ZMYM1: variants seen among roughly 807,000 people sequenced by gnomAD.
The protein encoded by ZMYM1 is zinc finger MYM-type protein 1.
A neutral mutation model predicts 60.0 loss-of-function variants in ZMYM1; 39 were observed. The observed-to-expected ratio is 0.65, with a 90% CI of 0.50 to 0.85. ZMYM1 has a LOEUF of 0.85. ZMYM1 is among the 40% of genes least tolerant of loss of function. The probability of loss-of-function intolerance (pLI) is 0.00; values close to 1 mark genes in which losing one functional copy is unlikely to be tolerated. For missense variants in ZMYM1, 1,171 were observed against 1,309.5 expected (o/e 0.89, Z 1.63); for synonymous variants, 413 against 454.0 (o/e 0.91, Z 1.15).
chr1:35,074,600 G>T (rs898543499), upstream of ZMYM1, among the ~76,000 whole-genome samples: 1 of 151,874 alleles, frequency 6.6e-6, no homozygotes, highest in Non-Finnish European at 1.5e-5. Context: ...GTAGACATGG[G>T]GTTTCACCAT....
Position 35,114,711 on chromosome 1 carries a change from G to A in ZMYM1, c.2881G>A (p.Glu961Lys). The A allele has an allele frequency of 6.3e-7, 1 of 1,576,408 alleles. No homozygotes were observed. The highest frequency in any genetic ancestry group is 8.6e-7 in the Non-Finnish European group (1 of 1,163,906). The change falls in exon 10 of 10, where the codon GAA becomes AAA. Residue 961 changes from glutamate to lysine, a missense_variant. Glu to Lys is a moderately conservative substitution (Grantham distance 56, BLOSUM62 1). Coordinates refer to ENST00000359858, the MANE Select transcript of ZMYM1 (RefSeq NM_024772.5). ...TATGTTTTTTCCTACTTCAACAGAA[G>A]AACAATATAAAATTAATATCTATTA... The part of the protein sequence containing the change: ...DNMFFPTSTE[E>K]QYKINIYYQG...
intron 1 of ZMYM1, among the ~76,000 whole-genome samples, chr1:35,084,940 C>T (rs550652610): frequency 6.6e-6 from 1 of 151,978 alleles, no homozygotes; most frequent in East Asian, 1.9e-4. Context: ...ATGGAAAGTC[C>T]CCTTACCAGT....
intron 6 of ZMYM1, 52 bp downstream of exon 6, chr1:35,104,821 C>A: frequency 1.3e-6 from 2 of 1,493,012 alleles, no homozygotes; most frequent in Non-Finnish European, 1.9e-6. Flanking sequence ...TGAATGGTTT[C>A]ACTCTAGGAA....
At chr1:35,086,054 A>G (rs1302772684) in intron 1 of ZMYM1, among the ~76,000 whole-genome samples, 2 of 152,252 alleles carry the variant, frequency 1.3e-5, no homozygotes, top group East Asian at 1.9e-4. Context: ...CAATGATGAC[A>G]GAATTCAATT....
chr1:35,100,171 A>G (rs566677448), intron 4 of ZMYM1, among the ~76,000 whole-genome samples: 53 of 152,102 alleles, frequency 3.5e-4, no homozygotes, highest in Admixed American at 1.6e-3. Flanking sequence ...GATTATAGGT[A>G]TGAGCCACCA....
At chr1:35,089,526 A>G (rs1460542791) in intron 1 of ZMYM1, among the ~76,000 whole-genome samples, 1 of 152,150 alleles carries the variant, frequency 6.6e-6, no homozygotes, top group Admixed American at 6.6e-5. Context: ...GTTGAGCCCC[A>G]ATCACAGAAA....
chr1:35,114,139 C>T lies in ZMYM1; in HGVS notation c.2309C>T (p.Thr770Ile), dbSNP rs757526743. ...AAAGAACTCCGAAGTGCTCTAAAAA[C>T]TCTCAGTTCTTTGTTCAACACTATT... ...EVKELRSALK[T>I]LSSLFNTICM... is the part of the protein sequence containing the mutation. Residue 770 changes from threonine (T) to isoleucine (I), a missense_variant, in exon 10 of 10, where the codon ACT becomes ATT. Coordinates refer to ENST00000359858, the MANE Select transcript of ZMYM1 (RefSeq NM_024772.5). 3.7e-6 allele frequency: 6 copies of T among 1,608,714 alleles called. No homozygotes were observed. Among genetic ancestry groups the T allele is most frequent in the South Asian group, 1.1e-5 (1 of 89,298 alleles).
chr1:35,091,603 G>A (rs1643006368), intron 1 of ZMYM1, among the ~76,000 whole-genome samples: 1 of 151,956 alleles, frequency 6.6e-6, no homozygotes, highest in Admixed American at 6.6e-5. Context: ...TGAATCTGAG[G>A]TTGTGATCAT....
intron 1 of ZMYM1, among the ~76,000 whole-genome samples, chr1:35,090,027 C>G (rs1642909707): frequency 1.3e-5 from 2 of 151,784 alleles, no homozygotes; most frequent in Admixed American, 1.3e-4. Context: ...GCCTCAGCCT[C>G]CCAGAGTAGC....
At chr1:35,101,573 T>C (rs933269152) in intron 4 of ZMYM1, among the ~76,000 whole-genome samples, 1 of 150,912 alleles carries the variant, frequency 6.6e-6, no homozygotes, top group Non-Finnish European at 1.5e-5. Flanking sequence ...GTCTGAAAGG[T>C]ATGCCTCAAA....
At position 35,113,051 on chromosome 1, in the gene ZMYM1, A is replaced by G. The variant is rs1644149177; in HGVS notation, c.1221A>G (p.Pro407=). ...SSSTEQPSVS[P]SSSVFSQHAI... is the part of the protein sequence containing the mutation. ...GTACGGAACAGCCAAGCGTTTCACCATCTTCATCAGTATTCAGTCAGCATG... is the reference window on the plus strand; with the variant it reads ...GTACGGAACAGCCAAGCGTTTCACCGTCTTCATCAGTATTCAGTCAGCATG... Residue 407 remains proline (P), a synonymous_variant, in exon 10 of 10, where the codon CCA becomes CCG. Coordinates refer to ENST00000359858, the MANE Select transcript of ZMYM1 (RefSeq NM_024772.5). The G allele has an allele frequency of 5.6e-6, 9 of 1,613,956 alleles. No homozygotes were observed. The highest frequency in any genetic ancestry group is 7.6e-6 in the Non-Finnish European group (9 of 1,179,926).
downstream of ZMYM1, among the ~76,000 whole-genome samples, chr1:35,117,232 A>G (rs1008695873): frequency 6.6e-6 from 1 of 151,640 alleles, no homozygotes; most frequent in Non-Finnish European, 1.5e-5. Context: ...CTAGGAGAAC[A>G]TCTATTTCAT....
intron 3 of ZMYM1, among the ~76,000 whole-genome samples, chr1:35,096,457 C>G (rs1205739556): frequency 6.6e-6 from 1 of 151,676 alleles, no homozygotes; most frequent in Non-Finnish European, 1.5e-5. Flanking sequence ...GAGATCCTGT[C>G]TCTACAGAAA....
chr1:35,118,655 C>T (rs953935081), downstream of ZMYM1, among the ~76,000 whole-genome samples: 9 of 151,954 alleles, frequency 5.9e-5, no homozygotes, highest in African/African-American at 1.9e-4. Context: ...TGCAGTGAGC[C>T]GGGATCGCAC....
At chr1:35,075,311 T>C (rs867280707), upstream of ZMYM1, among the ~76,000 whole-genome samples, 6 of 152,242 alleles carry the variant, frequency 3.9e-5, no homozygotes, top group Middle Eastern at 3.4e-3. Context: ...GGCAGCAATA[T>C]GTTGGGTCTT....
Position 35,114,926 on chromosome 1 carries a change from T to G in ZMYM1, c.3096T>G (p.His1032Gln). The G allele has an allele frequency of 6.2e-7, 1 of 1,613,332 alleles. No homozygotes were observed. Among genetic ancestry groups the G allele is most frequent in the Non-Finnish European group, 8.5e-7 (1 of 1,179,338 alleles). The change falls in exon 10 of 10, where the codon CAT (histidine) becomes CAG (glutamine). Residue 1032 changes from histidine (H) to glutamine (Q), a missense_variant. Physicochemically the swap from His to Gln is conservative, Grantham distance 24. Coordinates refer to ENST00000359858, the MANE Select transcript of ZMYM1 (RefSeq NM_024772.5). The part of the protein sequence containing the change: ...DIIPELRFYR[H>Q]YAKLNFVIDD... ...TCCCAGAACTTAGATTTTATCGACA[T>G]TATGCAAAGCTTAACTTTGTCATAG...
chr1:35,083,419 T>C (rs982915671), intron 1 of ZMYM1, among the ~76,000 whole-genome samples: 5 of 152,058 alleles, frequency 3.3e-5, no homozygotes, highest in Admixed American at 1.3e-4. Flanking sequence ...CCCGACATGT[T>C]CAAATTGCAA....
intron 2 of ZMYM1, 71 bp from the exon 3 acceptor site, chr1:35,095,748 T>A: frequency 4.7e-6 from 6 of 1,276,846 alleles, no homozygotes; most frequent in Non-Finnish European, 6.5e-6. Flanking sequence ...TATCATTTTC[T>A]GTTGAATGAC....
At chr1:35,109,513 A>G (rs1179258315) in intron 6 of ZMYM1, among the ~76,000 whole-genome samples, 1 of 152,110 alleles carries the variant, frequency 6.6e-6, no homozygotes, top group Non-Finnish European at 1.5e-5. Context: ...TTCTTACAAT[A>G]TGCTTGTAAT....
Sources: allele counts gnomAD v4.1 joint callset (sites outside exome capture counted in the v4.1 genomes callset), GRCh38; gene constraint gnomAD v4.1.1; transcripts MANE v1.5; gene names NCBI Gene and HGNC (gene_info 2026-07-23, HGNC 2026-07-21).